Variants in LARGE1 observed in about 807,000 individuals in gnomAD.
The protein encoded by LARGE1 is LARGE xylosyl- and glucuronyltransferase 1.
A neutral mutation model predicts 87.6 loss-of-function variants in LARGE1; 43 were observed. The ratio of observed to expected loss-of-function variants is 0.49; its 90% confidence interval spans 0.38 to 0.63. The LOEUF is 0.63. Ranked by LOEUF, LARGE1 falls within the 30% of genes least tolerant of loss-of-function variation. The pLI is 0.00. For missense variants in LARGE1, 802 were observed against 1,000.2 expected (o/e 0.80, Z 2.67); for synonymous variants, 434 against 394.6 (o/e 1.10, Z -1.18).
At chr22:33,810,727 CT>C (rs200170340) in intron 1 of LARGE1, among the ~76,000 whole-genome samples, 4,570 of 142,906 alleles carry the variant, frequency 0.032, 89 homozygotes, top group Middle Eastern at 0.056. Context: ...GGATGAATTT[CT>C]TTTTTTTTTT....
At chr22:33,275,647 G>A (rs1311410249) in intron 14 of LARGE1, among the ~76,000 whole-genome samples, 1 of 152,152 alleles carries the variant, frequency 6.6e-6, no homozygotes, top group Non-Finnish European at 1.5e-5. Context: ...TGGCAGGTGT[G>A]CACTCATTAT....
At chr22:33,914,878 T>C (rs2146980088) in intron 1 of LARGE1, among the ~76,000 whole-genome samples, 1 of 152,188 alleles carries the variant, frequency 6.6e-6, no homozygotes. Context: ...CAAGAAATAT[T>C]CTAAGGTCAC....
intron 6 of LARGE1, among the ~76,000 whole-genome samples, chr22:33,482,149 A>G (rs1293719435): frequency 6.6e-6 from 1 of 152,206 alleles, no homozygotes; most frequent in African/African-American, 2.4e-5. Flanking sequence ...ATCAGGAATT[A>G]GGTAGAATTA....
At chr22:33,572,739 G>A (rs955098518) in intron 5 of LARGE1, among the ~76,000 whole-genome samples, 5 of 151,990 alleles carry the variant, frequency 3.3e-5, no homozygotes, top group Non-Finnish European at 4.4e-5. Context: ...GCATGGTGGC[G>A]CATGCCTGTA....
chr22:33,803,726 G>C (rs2086230868), intron 1 of LARGE1, among the ~76,000 whole-genome samples: 1 of 152,226 alleles, frequency 6.6e-6, no homozygotes, highest in East Asian at 1.9e-4. Context: ...CTCCAGCAAT[G>C]AGCTGTGACC....
intron 4 of LARGE1, among the ~76,000 whole-genome samples, chr22:33,607,841 T>A (rs1391348605): frequency 1.3e-5 from 2 of 152,194 alleles, no homozygotes; most frequent in Non-Finnish European, 2.9e-5. Flanking sequence ...ACTGCAGAAT[T>A]TCCCCATGGG....
At chr22:33,459,184 T>C (rs1021260448) in intron 6 of LARGE1, among the ~76,000 whole-genome samples, 6 of 152,142 alleles carry the variant, frequency 3.9e-5, no homozygotes, top group Non-Finnish European at 7.3e-5. Context: ...GTCTATGTGT[T>C]CTCAATGTCA....
chr22:33,351,006 C>T (rs1211064173), intron 9 of LARGE1, among the ~76,000 whole-genome samples: 1 of 152,200 alleles, frequency 6.6e-6, no homozygotes, highest in Non-Finnish European at 1.5e-5. Context: ...TTCCATTAGC[C>T]TTAGATTTCT....
intron 2 of LARGE1, among the ~76,000 whole-genome samples, chr22:33,756,067 T>C (rs537613551): frequency 7.9e-5 from 12 of 151,882 alleles, no homozygotes; most frequent in Non-Finnish European, 1.6e-4. Flanking sequence ...ATCAGAGAAA[T>C]AGTTTCCTCA....
intron 1 of LARGE1, among the ~76,000 whole-genome samples, chr22:33,780,737 A>G (rs930963426): frequency 3.3e-5 from 5 of 152,220 alleles, no homozygotes; most frequent in African/African-American, 4.8e-5. Flanking sequence ...GTGCAAAACT[A>G]TTTAGGGCTT....
At chr22:33,067,264 A>C in the LARGE1 span, among the ~76,000 whole-genome samples, 1 of 152,056 alleles carries the variant, frequency 6.6e-6, no homozygotes, top group East Asian at 1.9e-4. Flanking sequence ...ATGCTATATC[A>C]CATAGTGGCT....
chr22:33,409,860 CAAAAAAA>C (rs35645500), intron 7 of LARGE1, among the ~76,000 whole-genome samples: 23 of 63,100 alleles, frequency 3.6e-4, no homozygotes, highest in South Asian at 1.2e-3. Flanking sequence ...GACTCCATCT[CAAAAAAA>C]AAAAAAAAAA....
chr22:33,906,112 G>A (rs1187317330), intron 1 of LARGE1, among the ~76,000 whole-genome samples: 5 of 151,816 alleles, frequency 3.3e-5, no homozygotes, highest in African/African-American at 7.3e-5. Flanking sequence ...CCTGGGCAAC[G>A]GAGCGAGACT....
At chr22:33,410,825 T>C (rs556116451) in intron 7 of LARGE1, among the ~76,000 whole-genome samples, 1 of 152,296 alleles carries the variant, frequency 6.6e-6, no homozygotes, top group South Asian at 2.1e-4. Context: ...CGAACCTTGC[T>C]GAGCCTCCAT....
At chr22:33,788,413 T>C (rs1366737372) in intron 1 of LARGE1, among the ~76,000 whole-genome samples, 2 of 152,182 alleles carry the variant, frequency 1.3e-5, no homozygotes, top group South Asian at 2.1e-4. Context: ...ATACAGTTAA[T>C]TGGTATCAGA....
intron 2 of LARGE1, among the ~76,000 whole-genome samples, chr22:33,747,323 TCC>T (rs2084126479): frequency 1.3e-5 from 2 of 151,984 alleles, no homozygotes. Flanking sequence ...ATGTTGCTTC[TCC>T]TCCTGACCTC....
intron 7 of LARGE1, among the ~76,000 whole-genome samples, chr22:33,407,561 TCAATA>T (rs763284475): frequency 6.6e-6 from 1 of 152,184 alleles, no homozygotes; most frequent in Non-Finnish European, 1.5e-5. Flanking sequence ...TTACTAGGCA[TCAATA>T]CTAGTTCTAA....
At chr22:33,124,395 A>AGGAAGGAAAGAAGGAAGG in the LARGE1 span, among the ~76,000 whole-genome samples, 6 of 148,138 alleles carry the variant, frequency 4.1e-5, no homozygotes, top group African/African-American at 1.2e-4. Context: ...GGAGGAAGGA[A>AGGAAGGAAAGAAGGAAGG]AATGATGGCT....
intron 11 of LARGE1, among the ~76,000 whole-genome samples, chr22:33,167,627 T>C (rs1413610012): frequency 6.6e-6 from 1 of 152,220 alleles, no homozygotes; most frequent in African/African-American, 2.4e-5. Flanking sequence ...ATCCTACTTA[T>C]TCCCAACCAG....
Sources: gnomAD v4.1 joint callset for allele counts (sites outside exome capture counted in the v4.1 genomes callset) on GRCh38, gnomAD v4.1.1 for gene constraint, MANE v1.5 for transcripts, NCBI Gene and HGNC (gene_info 2026-07-23, HGNC 2026-07-21) for gene names.